The following LRGUK variants were observed in gnomAD, a reference collection of about 807,000 sequenced individuals.
LRGUK encodes the protein leucine-rich repeat and guanylate kinase domain-containing protein.
Under a neutral mutation model 76.0 loss-of-function variants are expected in LRGUK, and 65 were observed. The ratio of observed to expected loss-of-function variants is 0.85; its 90% confidence interval spans 0.70 to 1.05. The LOEUF (loss-of-function observed/expected upper bound fraction) is 1.05. LRGUK is among the 50% of genes least tolerant of loss of function. LRGUK has a pLI of 0.00. For missense variants in LRGUK, 758 were observed against 732.8 expected (o/e 1.03, Z -0.40); for synonymous variants, 268 against 265.6 (o/e 1.01, Z -0.09).
intron 18 of LRGUK, among the ~76,000 whole-genome samples, chr7:134,253,212 G>A (rs79663862): frequency 1.2e-3 from 181 of 152,264 alleles, no homozygotes; most frequent in African/African-American, 4.1e-3. Context: ...AATTTTTGAC[G>A]TTTTAATCAA....
At chr7:134,221,569 G>A (rs978679664) in intron 15 of LRGUK, among the ~76,000 whole-genome samples, 4 of 151,890 alleles carry the variant, frequency 2.6e-5, no homozygotes, top group African/African-American at 4.8e-5. Flanking sequence ...TATATTCGGA[G>A]GATATATCTA....
At chr7:134,143,140 T>A (rs753191513) in exon 4 of LRGUK, 1 of 1,606,842 alleles carries the variant, frequency 6.2e-7, no homozygotes, top group Non-Finnish European at 8.5e-7. Context: ...TTCTTCAATT[T>A]CAAGCCACCC....
intron 7 of LRGUK, among the ~76,000 whole-genome samples, chr7:134,172,784 A>G (rs1473471455): frequency 6.6e-6 from 1 of 152,016 alleles, no homozygotes; most frequent in Non-Finnish European, 1.5e-5. Flanking sequence ...GAGTTCAAGA[A>G]CAGCCTGAGC....
intron 8 of LRGUK, among the ~76,000 whole-genome samples, chr7:134,176,692 T>C (rs1395500014): frequency 6.6e-6 from 1 of 152,118 alleles, no homozygotes; most frequent in African/African-American, 2.4e-5. Flanking sequence ...TTAAATTAAA[T>C]TTTAAAAAAA....
At chr7:134,171,354 T>G (rs886747836) in intron 7 of LRGUK, among the ~76,000 whole-genome samples, 5 of 152,034 alleles carry the variant, frequency 3.3e-5, no homozygotes, top group African/African-American at 1.2e-4. Context: ...CGAAAAAAAT[T>G]TTAATGGTTG....
intron 19 of LRGUK, among the ~76,000 whole-genome samples, chr7:134,262,970 CAAAAAAAA>C (rs3030443): frequency 1.4e-4 from 13 of 89,948 alleles, no homozygotes; most frequent in East Asian, 4.2e-4. Context: ...GACCTGGTCT[CAAAAAAAA>C]AAAAAAAAAA....
chr7:134,147,723 C>G (rs1361540014), intron 4 of LRGUK, among the ~76,000 whole-genome samples: 1 of 152,074 alleles, frequency 6.6e-6, no homozygotes, highest in East Asian at 1.9e-4. Context: ...GGGAAGAGGC[C>G]TTCTTACTAT....
At chr7:134,274,838 C>A in the LRGUK span, among the ~76,000 whole-genome samples, 2 of 152,102 alleles carry the variant, frequency 1.3e-5, no homozygotes, top group Non-Finnish European at 2.9e-5. Context: ...TCAATCTTAT[C>A]TTTTTAATGT....
intron 12 of LRGUK, among the ~76,000 whole-genome samples, chr7:134,196,709 T>C (rs2117071935): frequency 6.6e-6 from 1 of 152,280 alleles, no homozygotes; most frequent in Non-Finnish European, 1.5e-5. Context: ...GTAAACAAAA[T>C]AGTCTATTTT....
intron 1 of LRGUK, among the ~76,000 whole-genome samples, chr7:134,132,591 T>C (rs1797361455): frequency 6.6e-6 from 1 of 152,112 alleles, no homozygotes; most frequent in Non-Finnish European, 1.5e-5. Context: ...AGATTGGTTA[T>C]TAAAGGAAAC....
intron 18 of LRGUK, among the ~76,000 whole-genome samples, chr7:134,256,633 C>G (rs1158285007): frequency 6.6e-6 from 1 of 152,140 alleles, no homozygotes; most frequent in Non-Finnish European, 1.5e-5. Flanking sequence ...ACAACGGTCC[C>G]TCTGCTGAGA....
chr7:134,235,824 A>G (rs1802000890), intron 16 of LRGUK, among the ~76,000 whole-genome samples: 1 of 152,208 alleles, frequency 6.6e-6, no homozygotes, highest in Admixed American at 6.5e-5. Flanking sequence ...CTGTAGAGAT[A>G]ATAGTAATCA....
intron 10 of LRGUK, among the ~76,000 whole-genome samples, chr7:134,181,342 T>G (rs1415513542): frequency 6.6e-6 from 1 of 152,134 alleles, no homozygotes; most frequent in Non-Finnish European, 1.5e-5. Context: ...TCTTTTGGCA[T>G]AAAACAAAAT....
chr7:134,136,601 G>A (rs73454658), intron 1 of LRGUK, among the ~76,000 whole-genome samples: 2 of 151,964 alleles, frequency 1.3e-5, no homozygotes, highest in Non-Finnish European at 2.9e-5. Flanking sequence ...ACCTCCAAAC[G>A]TTAATTCTTT....
intron 12 of LRGUK, among the ~76,000 whole-genome samples, chr7:134,196,667 G>A (rs1181157055): frequency 6.6e-6 from 1 of 152,140 alleles, no homozygotes; most frequent in African/African-American, 2.4e-5. Context: ...AGTAATGAAG[G>A]TTTTGGTGCG....
rs185229100 is a variant in LRGUK at position 134,216,264 on chromosome 7, G to A, written c.1844-5515G>A. On this transcript the variant is annotated intron_variant, in intron 15 of 19. Coordinates refer to the LRGUK transcript ENST00000285928. ...AGCAAAAAAATGTTTGCATTTTCCTGTTCATTGAAAGAGGATGATACTGTT... is the reference window on the plus strand; with the variant it reads ...AGCAAAAAAATGTTTGCATTTTCCTATTCATTGAAAGAGGATGATACTGTT... Among the ~76,000 whole-genome samples the A allele has an allele frequency of 3.6e-3, 547 of 152,220 alleles. 1 individual carries two copies. Among genetic ancestry groups the A allele is most frequent in the African/African-American group, 0.013 (522 of 41,534 alleles).
chr7:134,213,439 G>A (rs1229138275), downstream of LRGUK, among the ~76,000 whole-genome samples: 1 of 152,152 alleles, frequency 6.6e-6, no homozygotes, highest in Non-Finnish European at 1.5e-5. Flanking sequence ...GTGCAAGACA[G>A]GAAGAAAATT....
rs996923196 is a variant in LRGUK, at chr7:134,146,467, A to G, written c.589-1771A>G. ...TTATTATTATTCTATAGAAGAAAAA[A>G]GTGAATGTTAAACTCCATTTACATC... On this transcript the variant is annotated intron_variant, in intron 4 of 15. Coordinates refer to ENST00000645682, the Ensembl canonical transcript of LRGUK. 3.3e-5 allele frequency among the ~76,000 whole-genome samples: 5 copies of G among 152,208 alleles called. No individual in the cohort carries two copies. The South Asian group carries it at 1.0e-3, about 32-fold the overall frequency.
At chr7:134,219,048 AG>A (rs1439398774) in intron 15 of LRGUK, among the ~76,000 whole-genome samples, 1 of 152,220 alleles carries the variant, frequency 6.6e-6, no homozygotes, top group Non-Finnish European at 1.5e-5. Flanking sequence ...TGGACTGTAA[AG>A]TAGTTTATAC....
Sources: gnomAD v4.1 joint callset for allele counts (sites outside exome capture counted in the v4.1 genomes callset) on GRCh38, gnomAD v4.1.1 for gene constraint, MANE v1.5 for transcripts, NCBI Gene and HGNC (gene_info 2026-07-23, HGNC 2026-07-21) for gene names.